ATP6V1B1: variants seen among roughly 807,000 people sequenced by gnomAD.
ATP6V1B1 encodes the protein V-type proton ATPase subunit B, kidney isoform.
In ATP6V1B1, 41 loss-of-function variants were observed where a neutral mutation model predicts 62.1. The observed-to-expected ratio is 0.66, with a 90% CI of 0.51 to 0.86. ATP6V1B1 has a LOEUF of 0.86. Ranked by LOEUF, ATP6V1B1 falls within the 40% of genes least tolerant of loss-of-function variation. ATP6V1B1 has a pLI of 0.00. For missense variants in ATP6V1B1, 651 were observed against 697.5 expected (o/e 0.93, Z 0.75); for synonymous variants, 253 against 273.4 (o/e 0.93, Z 0.74).
At chr2:70,950,770 C>A (rs1680304740) in intron 2 of ATP6V1B1, among the ~76,000 whole-genome samples, 1 of 151,954 alleles carries the variant, frequency 6.6e-6, no homozygotes, top group South Asian at 2.1e-4. Context: ...CGTCAGTATA[C>A]TTTTACTTTA....
At chr2:70,957,341 C>T (rs977788893) in intron 2 of ATP6V1B1, among the ~76,000 whole-genome samples, 6 of 151,838 alleles carry the variant, frequency 4.0e-5, no homozygotes, top group Non-Finnish European at 8.8e-5. Context: ...CTCAAGTGAT[C>T]CGCCCACCTC....
At chr2:70,940,993 C>G (rs1383496957) in intron 1 of ATP6V1B1, 2 of 826,958 alleles carry the variant, frequency 2.4e-6, no homozygotes, top group Non-Finnish European at 2.9e-6. Context: ...CAGAGCTCAC[C>G]GCAGCCTCAA....
chr2:70,950,570 C>G (rs545595559), intron 2 of ATP6V1B1, among the ~76,000 whole-genome samples: 8 of 151,386 alleles, frequency 5.3e-5, no homozygotes, highest in Admixed American at 2.6e-4. Context: ...TGGTTTTCTC[C>G]GTTGCCTCTT....
At chr2:70,938,760 T>A (rs1553415951) in intron 1 of ATP6V1B1, 2 of 985,154 alleles carry the variant, frequency 2.0e-6, no homozygotes, top group African/African-American at 3.5e-5. Flanking sequence ...ATCCTGGAGC[T>A]TCATCTGTTT....
intron 2 of ATP6V1B1, among the ~76,000 whole-genome samples, chr2:70,954,874 C>A (rs973261832): frequency 6.6e-6 from 1 of 152,140 alleles, no homozygotes; most frequent in South Asian, 2.1e-4. Context: ...GGATGCAATG[C>A]GTTTGCTCCA....
intron 8 of ATP6V1B1, 70 bp downstream of exon 8, chr2:70,961,763 C>T: frequency 7.2e-7 from 1 of 1,383,418 alleles, no homozygotes; most frequent in Non-Finnish European, 1.0e-6. Context: ...ACCTACAGTA[C>T]CAGGGCTCCA....
rs782128390 is a variant in ATP6V1B1, at chr2:70,943,678, G to A, written c.139G>A (p.Val47Met). 5.0e-6 allele frequency: 8 copies of A among 1,613,760 alleles called. No individual in the cohort carries two copies. The highest frequency in any genetic ancestry group is 4.0e-5 in the African/African-American group (3 of 74,890). Residue 47 changes from valine (V) to methionine (M), a missense_variant, in exon 2 of 14, where the codon GTG (valine) becomes ATG (methionine). Transcript: ENST00000234396. The part of the protein sequence containing the change: ...PRVTYRTVCS[V>M]NGPLVVLDRV... ...CCCAGCCTACAGGACTGTGTGCAGC[G>A]TGAACGGGCCCCTGGTGGTGCTGGA...
intron 8 of ATP6V1B1, chr2:70,961,922 C>T (rs546356167): frequency 4.8e-5 from 28 of 583,084 alleles, no homozygotes; most frequent in African/African-American, 4.6e-4. Context: ...GCCCTCTGCT[C>T]TTCCCACAAC....
Position 70,964,756 on chromosome 2 carries a change from G to T in ATP6V1B1, c.1269G>T (p.Gly423=). The T allele has an allele frequency of 6.2e-7, 1 of 1,613,986 alleles. No homozygotes were observed. The highest frequency in any genetic ancestry group is 8.5e-7 in the Non-Finnish European group (1 of 1,180,032). ...CCCAGTACGCCTGCTATGCCATCGG[G>T]AAGGACGTGCAGGCCATGAAGGCAG... is the stretch of plus-strand genomic sequence containing the variant. The part of the protein sequence containing the change: ...SNQLYACYAI[G]KDVQAMKAVV... Residue 423 remains glycine, a synonymous_variant, in exon 13 of 14, where the codon GGG becomes GGT. Transcript: ENST00000234396.
Position 70,963,747 on chromosome 2 carries a change from G to A in ATP6V1B1, c.1143+93G>A. ...TGCCCCCAGGCATGAATTAGGAGGG[G>A]CCAGCCAAAGCGAACCCCAAACAGG... On this transcript the variant is annotated intron_variant, in intron 11 of 13. Coordinates refer to ENST00000234396, the MANE Select transcript of ATP6V1B1 (RefSeq NM_001692.4). The surrounding 1 kb of genome is among the most constrained non-coding windows in gnomAD (Gnocchi z 4.3). 1 of 1,396,912 alleles carries A rather than the reference G, an allele frequency of 7.2e-7. No homozygotes were observed. Among genetic ancestry groups the A allele is most frequent in the South Asian group, 1.2e-5 (1 of 83,612 alleles). 86.5% of individuals were successfully genotyped at this position (1,396,912 alleles called of 1,614,324 possible). A position where few individuals can be genotyped will look rare whatever the true frequency, so the allele number is the denominator to read the frequency against.
chr2:70,960,823 T>G, intron 6 of ATP6V1B1, 98 bp from the exon 7 acceptor site: 2 of 833,148 alleles, frequency 2.4e-6, no homozygotes, highest in Non-Finnish European at 3.5e-6. Context: ...TCTCTGGGCT[T>G]GGATCCCTCC....
rs782713423 is a variant in ATP6V1B1, at chr2:70,961,018, T to C, written c.683T>C (p.Met228Thr). 1.9e-6 allele frequency: 3 copies of C among 1,581,312 alleles called. No individual in the cohort carries two copies. Among genetic ancestry groups the C allele is most frequent in the Non-Finnish European group, 2.6e-6 (3 of 1,163,274 alleles). The change falls in exon 7 of 14, where the codon ATG becomes ACG. Residue 228 changes from methionine to threonine, a missense_variant. Physicochemically the swap from Met to Thr is moderately conservative, Grantham distance 81. Coordinates refer to ENST00000234396, the MANE Select transcript of ATP6V1B1 (RefSeq NM_001692.4). Reference protein sequence around the residue: ...DDNFAIVFAAMGVNMETARFF... With the variant: ...DDNFAIVFAATGVNMETARFF... Reference sequence around the variant, plus strand: ...AACTTCGCCATCGTCTTTGCAGCCATGGGGGTGAGGAGACTTAGTAGACTG... The same window carrying C: ...AACTTCGCCATCGTCTTTGCAGCCACGGGGGTGAGGAGACTTAGTAGACTG...
At chr2:70,960,787 C>A in intron 6 of ATP6V1B1, 134 bp from the exon 7 acceptor site, 1 of 363,670 alleles carries the variant, frequency 2.7e-6, no homozygotes, top group Non-Finnish European at 5.5e-6. Context: ...CCAAGAAAGA[C>A]TAGCACCTGG....
chr2:70,942,086 CAGAG>C, intron 1 of ATP6V1B1: 1 of 1,114,290 alleles, frequency 9.0e-7, no homozygotes, highest in East Asian at 3.5e-5. Context: ...GAGAGAGAGA[CAGAG>C]AGAGAGGCAA....
chr2:70,941,863 G>A, intron 1 of ATP6V1B1: 1 of 986,246 alleles, frequency 1.0e-6, no homozygotes, highest in Non-Finnish European at 1.2e-6. Context: ...CCAGAGGGAA[G>A]CTTCCAAAGG....
At chr2:70,943,835 T>C (rs1680075934) in intron 2 of ATP6V1B1, 122 bp downstream of exon 2, 1 of 1,397,822 alleles carries the variant, frequency 7.2e-7, no homozygotes, top group East Asian at 2.4e-5. Context: ...TGCTCTGTTC[T>C]CTCCATCCAG....
rs782255641 is a variant in ATP6V1B1 at position 70,936,035 on chromosome 2, G to A, written c.81G>A (p.Gln27=). 8.1e-6 allele frequency: 13 copies of A among 1,614,080 alleles called. No homozygotes were observed. The highest frequency in any genetic ancestry group is 1.1e-5 in the Non-Finnish European group (13 of 1,179,974). The change falls in exon 1 of 14, where the codon CAG becomes CAA. Residue 27 remains glutamine (Q), a synonymous_variant. Transcript: ENST00000234396. ...TAGGTGCAGCCCGAGAACACATGCA[G>A]GCGGTCACCCGAAACTACATCACCC... ...CNLGAAREHM[Q]AVTRNYITHP...
chr2:70,943,566 G>A (rs1680063906), intron 1 of ATP6V1B1, 92 bp from the exon 2 acceptor site: 1 of 1,330,384 alleles, frequency 7.5e-7, no homozygotes. Context: ...GAGGTGGGGT[G>A]TGGAGAGAGG....
At chr2:70,945,701 G>GAGATATATATATATATATATAT (rs1553417203) in intron 2 of ATP6V1B1, among the ~76,000 whole-genome samples, 4 of 83,022 alleles carry the variant, frequency 4.8e-5, no homozygotes, top group Admixed American at 1.6e-4. Context: ...TATTTGAAGA[G>GAGATATATATATATATATATAT]ATATATATAT....
Sources: allele counts gnomAD v4.1 joint callset (sites outside exome capture counted in the v4.1 genomes callset), GRCh38; gene constraint gnomAD v4.1.1; non-coding constraint Gnocchi (gnomAD v3.1); transcripts MANE v1.5; gene names NCBI Gene and HGNC (gene_info 2026-07-23, HGNC 2026-07-21).